Variants in MTSS2 observed in about 807,000 individuals in gnomAD.
MTSS2 encodes MTSS I-BAR domain containing 2, also known as protein MTSS 2.
Under a neutral mutation model 67.1 loss-of-function variants are expected in MTSS2, and 27 were observed. The observed-to-expected ratio is 0.40, with a 90% CI of 0.30 to 0.55. The LOEUF is 0.55. MTSS2 is among the 20% of genes least tolerant of loss of function. The probability of loss-of-function intolerance (pLI) is 0.43; values close to 1 mark genes in which losing one functional copy is unlikely to be tolerated. For synonymous variants in MTSS2, 624 were observed against 468.6 expected (o/e 1.33, Z -4.28); for missense variants, 1,171 against 1,067.8 (o/e 1.10, Z -1.35).
At chr16:70,671,657 G>A (rs1262183812) in intron 11 of MTSS2, among the ~76,000 whole-genome samples, 3 of 152,182 alleles carry the variant, frequency 2.0e-5, no homozygotes, top group Non-Finnish European at 2.9e-5. Context: ...AGTACAAGGA[G>A]AAACAGGACA....
In MTSS2 at chr16:70,679,772, C is replaced by T. The variant is rs761502969; in HGVS notation, c.382+14G>A. ...GAGTGGGGGGTGGGAAGCCCGGCTC[C>T]GCGCCACCCTCACCTTTCGCGTGGT... On this transcript the variant is annotated intron_variant, in intron 5 of 14. Coordinates refer to ENST00000338779, the MANE Select transcript of MTSS2 (RefSeq NM_138383.3). 4.3e-6 allele frequency: 7 copies of T among 1,610,766 alleles called. No homozygotes were observed. The highest frequency in any genetic ancestry group is 5.9e-6 in the Non-Finnish European group (7 of 1,179,118).
In MTSS2 at chr16:70,666,227, G is replaced by A. The variant is rs538282032; in HGVS notation, c.1054-687C>T. Among the ~76,000 whole-genome samples the A allele has an allele frequency of 4.6e-5, 7 of 152,298 alleles. No individual in the cohort carries two copies. In the East Asian group the frequency reaches 1.4e-3, roughly 29 times the overall value. On this transcript the variant is annotated intron_variant, in intron 11 of 14. Coordinates refer to ENST00000338779, the MANE Select transcript of MTSS2 (RefSeq NM_138383.3). ...CAGCTGTGCTGATGCTGCTGGGTGG[G>A]GCCATCGGCTTGGGGCACAGGGTGT... is the stretch of plus-strand genomic sequence containing the variant.
intron 11 of MTSS2, among the ~76,000 whole-genome samples, chr16:70,667,093 G>T (rs2052742138): frequency 6.6e-6 from 1 of 151,928 alleles, no homozygotes; most frequent in African/African-American, 2.4e-5. Flanking sequence ...CTAACATAGT[G>T]AGACCCCTGA....
Position 70,676,994 on chromosome 16 carries a change from G to A in MTSS2, c.733-16C>T, listed in dbSNP as rs1290200726. ...CTTTGATTACCTGGACAGGGACATGGATGGGGGTCACTGGAGGCAGCTCCT... is the reference window on the plus strand; with the variant it reads ...CTTTGATTACCTGGACAGGGACATGAATGGGGGTCACTGGAGGCAGCTCCT... On this transcript the variant is annotated splice_polypyrimidine_tract_variant and intron_variant, in intron 9 of 14. Coordinates refer to ENST00000338779, the MANE Select transcript of MTSS2 (RefSeq NM_138383.3). 6.2e-7 allele frequency: 1 copy of A among 1,605,408 alleles called. No homozygotes were observed. Among genetic ancestry groups the A allele is most frequent in the African/African-American group, 1.3e-5 (1 of 74,708 alleles).
At chr16:70,668,062 C>T (rs547882655) in intron 11 of MTSS2, among the ~76,000 whole-genome samples, 2 of 148,990 alleles carry the variant, frequency 1.3e-5, no homozygotes, top group Non-Finnish European at 3.0e-5. Flanking sequence ...ATAGACAAAG[C>T]GGTACCAAAA....
At chr16:70,665,310 G>A in intron 12 of MTSS2, 156 bp downstream of exon 12, 1 of 954,970 alleles carries the variant, frequency 1.0e-6, no homozygotes, top group Non-Finnish European at 1.5e-6. Flanking sequence ...GTGACTGTAG[G>A]AAATGGCCAG....
In MTSS2 at chr16:70,664,927, G is replaced by A; in HGVS notation, c.1298C>T (p.Ala433Val). 2 of 1,548,684 alleles carry A rather than the reference G, an allele frequency of 1.3e-6. No homozygotes were observed. Among genetic ancestry groups the A allele is most frequent in the Non-Finnish European group, 1.7e-6 (2 of 1,152,752 alleles). ...PRPRMSPATIAAKHGEEVSPA... is the reference protein window; with the variant it reads ...PRPRMSPATIVAKHGEEVSPA... ...GGGCCCTGGCCAGCCTACCTTGGCT[G>A]CGATGGTGGCAGGGGACATCCGGGG... Residue 433 changes from alanine (A) to valine (V), a missense_variant, in exon 13 of 15, where the codon GCA becomes GTA. Physicochemically the swap from Ala to Val is moderately conservative, Grantham distance 64. Coordinates refer to ENST00000338779, the MANE Select transcript of MTSS2 (RefSeq NM_138383.3).
intron 2 of MTSS2, 41 bp from the exon 3 acceptor site, chr16:70,680,908 C>CGGGGGGGGG: frequency 8.5e-7 from 1 of 1,174,314 alleles, no homozygotes; most frequent in Non-Finnish European, 1.2e-6. Flanking sequence ...GGTGGTTGGG[C>CGGGGGGGGG]GGGGGGGGGG....
intron 7 of MTSS2, among the ~76,000 whole-genome samples, 166 bp downstream of exon 7, chr16:70,679,149 G>A (rs1024693072): frequency 3.9e-5 from 6 of 152,018 alleles, no homozygotes; most frequent in Non-Finnish European, 7.4e-5. Flanking sequence ...CAGGGACCCC[G>A]GGGGCCCCAG....
chr16:70,664,416 TC>T lies in MTSS2; in HGVS notation c.1504del (p.Asp502MetfsTer29). 6.5e-7 allele frequency: 1 copy of T among 1,549,852 alleles called. No homozygotes were observed. Among genetic ancestry groups the T allele is most frequent in the South Asian group, 1.3e-5 (1 of 78,704 alleles). On this transcript the variant is annotated frameshift_variant, in exon 15 of 15. Coordinates refer to ENST00000338779, the MANE Select transcript of MTSS2 (RefSeq NM_138383.3). LOFTEE classifies it low-confidence loss of function (END_TRUNC). ...SDYDCYSVNG[D>X]ADSEGPPEFD... ...CTCGGGCGGGCCCTCGCTGTCCGCATCCCCATTCACGGAGTAGCAGTCGTAG... is the reference window on the plus strand; with the variant it reads ...CTCGGGCGGGCCCTCGCTGTCCGCATCCCATTCACGGAGTAGCAGTCGTAG...
intron 12 of MTSS2, 141 bp downstream of exon 12, chr16:70,665,325 C>T (rs1199876550): frequency 9.8e-7 from 1 of 1,017,904 alleles, no homozygotes; most frequent in Admixed American, 2.6e-5. Flanking sequence ...GGCCAGGTGG[C>T]TTGTCTCTTG....
intron 1 of MTSS2, among the ~76,000 whole-genome samples, chr16:70,683,442 G>A (rs536872326): frequency 7.9e-5 from 12 of 152,240 alleles, no homozygotes; most frequent in Non-Finnish European, 1.2e-4. Context: ...CAGAGGCCTG[G>A]CCAGGCCTAT....
intron 10 of MTSS2, among the ~76,000 whole-genome samples, chr16:70,676,028 G>T (rs147741583): frequency 6.6e-6 from 1 of 152,206 alleles, no homozygotes; most frequent in African/African-American, 2.4e-5. Context: ...GGCCACCCAC[G>T]CAGGGTCTGA....
chr16:70,683,218 T>C (rs1019772521), intron 1 of MTSS2, among the ~76,000 whole-genome samples: 2 of 152,216 alleles, frequency 1.3e-5, no homozygotes, highest in Non-Finnish European at 2.9e-5. Flanking sequence ...GGGAGTGGGC[T>C]TTCCAGGTGC....
rs2053304930 is a variant in MTSS2, at chr16:70,681,513, A to T, written c.70-488T>A. On this transcript the variant is annotated intron_variant, in intron 1 of 14. Transcript: ENST00000338779. ...AGGGCTGAAGGCACACCAGGTGTAG[A>T]CTGGGGCCTCCGGGGCCCCTGCCCT... 2.0e-5 allele frequency among the ~76,000 whole-genome samples: 3 copies of T among 152,302 alleles called. No homozygotes were observed. In the South Asian group the frequency reaches 6.2e-4, roughly 32 times the overall value.
chr16:70,679,290 C>A lies in MTSS2; in HGVS notation c.466+25G>T, dbSNP rs1021735709. 3.7e-6 allele frequency: 6 copies of A among 1,613,750 alleles called. No homozygotes were observed. The East Asian group carries it at 1.3e-4, about 36-fold the overall frequency. On this transcript the variant is annotated intron_variant, in intron 7 of 14. Coordinates refer to ENST00000338779, the MANE Select transcript of MTSS2 (RefSeq NM_138383.3). ...AATGCGACAAGGACGGGAGGAGCAG[C>A]TGGAGGGACCGACATTTGACTTACC...
rs139618050 is a variant in MTSS2 at position 70,664,632 on chromosome 16, C to A, written c.1437G>T (p.Thr479=). ...GGATGGTGTCCTCAGAGCAGGAGGG[C>A]GTGGTGGTCTGCGTGCTGTAGCCGC... The part of the protein sequence containing the change: ...YSSGYSTQTT[T]PSCSEDTIPS... Residue 479 remains threonine, a synonymous_variant, in exon 14 of 15, where the codon ACG becomes ACT. Transcript: ENST00000338779. The A allele has an allele frequency of 3.7e-6, 6 of 1,613,216 alleles. No individual in the cohort carries two copies. The South Asian group carries it at 4.4e-5, about 12-fold the overall frequency.
At chr16:70,681,506 G>A (rs1017591346) in intron 1 of MTSS2, among the ~76,000 whole-genome samples, 2 of 152,354 alleles carry the variant, frequency 1.3e-5, no homozygotes, top group Non-Finnish European at 2.9e-5. Context: ...AGGCACACCA[G>A]GTGTAGACTG....
intron 6 of MTSS2, 64 bp downstream of exon 6, chr16:70,679,566 C>T (rs2053229685): frequency 8.0e-6 from 12 of 1,495,760 alleles, no homozygotes; most frequent in African/African-American, 1.4e-5. Flanking sequence ...GGGCGCCCCA[C>T]GGGGCGGTGG....
Sources: gnomAD v4.1 joint callset for allele counts (sites outside exome capture counted in the v4.1 genomes callset) on GRCh38, gnomAD v4.1.1 for gene constraint, MANE v1.5 for transcripts, NCBI Gene and HGNC (gene_info 2026-07-23, HGNC 2026-07-21) for gene names.